Variants in ADORA2B observed in about 807,000 individuals in gnomAD.
ADORA2B encodes adenosine A2b receptor.
In ADORA2B, 18 loss-of-function variants were observed where a neutral mutation model predicts 20.8. That is an observed-to-expected ratio of 0.87 (90% CI 0.60 to 1.29). ADORA2B has a LOEUF of 1.29. Among genes scored for constraint, ADORA2B ranks in the 50% most tolerant of loss-of-function variants. ADORA2B has a pLI of 0.00. For synonymous variants in ADORA2B, 179 were observed against 178.3 expected, an observed-to-expected ratio of 1.00 and a Z score of -0.03; for missense variants, 441 against 422.7, an observed-to-expected ratio of 1.04 and a Z score of -0.38.
the ADORA2B span, among the ~76,000 whole-genome samples, chr17:15,886,105 C>T: frequency 3.9e-5 from 6 of 152,282 alleles, no homozygotes; most frequent in Admixed American, 2.6e-4. Flanking sequence ...AAACTGGTTT[C>T]GTCACACAGC....
intron 1 of ADORA2B, among the ~76,000 whole-genome samples, chr17:15,952,991 C>G (rs1006132484): frequency 3.3e-5 from 5 of 152,262 alleles, no homozygotes; most frequent in African/African-American, 1.2e-4. Flanking sequence ...AAGTGGAGAA[C>G]AGCCTGTCCC....
At chr17:15,934,463 A>G in the ADORA2B span, among the ~76,000 whole-genome samples, 3 of 152,044 alleles carry the variant, frequency 2.0e-5, no homozygotes, top group African/African-American at 7.2e-5. Context: ...TGACCTTGTG[A>G]TCTGCCCACC....
At chr17:15,914,386 T>A in the ADORA2B span, among the ~76,000 whole-genome samples, 1 of 152,104 alleles carries the variant, frequency 6.6e-6, no homozygotes, top group Non-Finnish European at 1.5e-5. Context: ...TTACTTTTTG[T>A]AGAGAGAGGG....
rs1361272402 is a variant in ADORA2B, at chr17:15,975,037, G to A, written c.694G>A (p.Ala232Thr). The A allele has an allele frequency of 2.5e-6, 4 of 1,614,168 alleles. No homozygotes were observed. Among genetic ancestry groups the A allele is most frequent in the South Asian group, 2.2e-5 (2 of 91,070 alleles). Residue 232 changes from alanine (A) to threonine (T), a missense_variant, in exon 2 of 2, where the codon GCA (alanine) becomes ACA (threonine). By Grantham distance (58) the Ala-to-Thr change is moderately conservative. Transcript: ENST00000304222. ...GACCACCCTCCAGCGGGAGATCCAT[G>A]CAGCCAAGTCACTGGCCATGATTGT... ...SRTTLQREIH[A>T]AKSLAMIVGI...
chr17:15,874,738 T>C, the ADORA2B span, among the ~76,000 whole-genome samples: 1 of 152,042 alleles, frequency 6.6e-6, no homozygotes, highest in Non-Finnish European at 1.5e-5. Flanking sequence ...TATCGTGCCT[T>C]TTTATGCTTG....
chr17:15,935,332 G>T, the ADORA2B span, among the ~76,000 whole-genome samples: 6 of 151,868 alleles, frequency 4.0e-5, no homozygotes, highest in East Asian at 5.8e-4. Flanking sequence ...AGAATTTTTG[G>T]TTGGCAGTTT....
At chr17:15,931,856 C>A in the ADORA2B span, among the ~76,000 whole-genome samples, 1 of 151,974 alleles carries the variant, frequency 6.6e-6, no homozygotes, top group South Asian at 2.1e-4. Context: ...CTCAGCCTCC[C>A]GAGTAGCTGG....
chr17:15,941,122 A>G (rs1427383646), upstream of ADORA2B, among the ~76,000 whole-genome samples: 1 of 152,032 alleles, frequency 6.6e-6, no homozygotes, highest in Admixed American at 6.6e-5. Context: ...CAGGAAGCAT[A>G]CCCTTCCACT....
intron 1 of ADORA2B, among the ~76,000 whole-genome samples, chr17:15,968,532 C>T (rs1970148373): frequency 6.6e-6 from 1 of 152,190 alleles, no homozygotes; most frequent in African/African-American, 2.4e-5. Flanking sequence ...GTGGCAGAAG[C>T]CCCTTCCTTC....
chr17:15,883,159 C>T, the ADORA2B span, among the ~76,000 whole-genome samples: 3 of 152,152 alleles, frequency 2.0e-5, no homozygotes, highest in Non-Finnish European at 2.9e-5. Flanking sequence ...CTGAAGTTTA[C>T]TTTTCTAGTA....
At chr17:15,864,926 G>C in the ADORA2B span, among the ~76,000 whole-genome samples, 2 of 151,058 alleles carry the variant, frequency 1.3e-5, no homozygotes, top group African/African-American at 5.0e-5. Flanking sequence ...GTAGTGGTGT[G>C]GGTTTTGTGA....
intron 1 of ADORA2B, among the ~76,000 whole-genome samples, chr17:15,952,712 T>C (rs1969920770): frequency 6.6e-6 from 1 of 152,214 alleles, no homozygotes; most frequent in African/African-American, 2.4e-5. Flanking sequence ...CCAATGTGAA[T>C]GGAATCTCAC....
intron 1 of ADORA2B, among the ~76,000 whole-genome samples, chr17:15,967,666 A>AAAAAAC (rs1970138241): frequency 1.3e-5 from 2 of 151,810 alleles, no homozygotes; most frequent in Admixed American, 1.3e-4. Context: ...TCCGTCTCAA[A>AAAAAAC]AAAACAAAAC....
the ADORA2B span, among the ~76,000 whole-genome samples, chr17:15,924,159 C>T: frequency 2.6e-5 from 4 of 152,274 alleles, no homozygotes; most frequent in South Asian, 2.1e-4. Flanking sequence ...GTGATCCACC[C>T]GCCTTGGCCT....
At chr17:15,930,626 A>G in the ADORA2B span, among the ~76,000 whole-genome samples, 3 of 152,302 alleles carry the variant, frequency 2.0e-5, no homozygotes, top group East Asian at 5.8e-4. Context: ...CATTTGCCAC[A>G]TTCAGATCTT....
chr17:15,924,579 C>T, the ADORA2B span, among the ~76,000 whole-genome samples: 1 of 151,816 alleles, frequency 6.6e-6, no homozygotes, highest in African/African-American at 2.4e-5. Context: ...AAAATACACA[C>T]ACAAAAAAAA....
the ADORA2B span, among the ~76,000 whole-genome samples, chr17:15,863,406 TATAATC>T: frequency 6.6e-6 from 1 of 152,134 alleles, no homozygotes; most frequent in African/African-American, 2.4e-5. Context: ...AGTGCAGTGG[TATAATC>T]ATAATTCACT....
chr17:15,889,620 G>A, the ADORA2B span, among the ~76,000 whole-genome samples: 4 of 130,386 alleles, frequency 3.1e-5, 2 homozygotes, highest in Admixed American at 1.5e-4. Context: ...TAGGCCGGAC[G>A]TAGTGGCTCA....
In ADORA2B at chr17:15,970,695, C is replaced by T. The variant is rs576059708; in HGVS notation, c.336-3984C>T. On this transcript the variant is annotated intron_variant, in intron 1 of 1. Transcript: ENST00000304222. ...ACGGAGTACCTCACAGTGTTATCAG[C>T]AATCGAAACATTTAATTATCTTTTG... Among the ~76,000 whole-genome samples the T allele has an allele frequency of 9.0e-4, 137 of 152,304 alleles. 1 individual carries two copies. The highest frequency in any genetic ancestry group is 1.3e-3 in the Non-Finnish European group (89 of 68,032).
Sources: gnomAD v4.1 joint callset for allele counts (sites outside exome capture counted in the v4.1 genomes callset) on GRCh38, gnomAD v4.1.1 for gene constraint, MANE v1.5 for transcripts, NCBI Gene and HGNC (gene_info 2026-07-23, HGNC 2026-07-21) for gene names.